The following NUP210 variants were observed in gnomAD, a reference collection of about 807,000 sequenced individuals.
NUP210 encodes nuclear pore membrane glycoprotein 210.
Under a neutral mutation model 196.0 loss-of-function variants are expected in NUP210, and 151 were observed. That is an observed-to-expected ratio of 0.77 (90% CI 0.67 to 0.88). NUP210 has a LOEUF of 0.88. Among genes scored for constraint, NUP210 ranks in the 40% least tolerant of loss-of-function variants. The pLI is 0.00. For synonymous variants in NUP210, 1,070 were observed against 1,052.7 expected (o/e 1.02, Z -0.32); for missense variants, 2,314 against 2,493.7 (o/e 0.93, Z 1.53).
chr3:13,398,917 G>C (rs1376509000), intron 2 of NUP210, among the ~76,000 whole-genome samples: 2 of 152,168 alleles, frequency 1.3e-5, no homozygotes, highest in Non-Finnish European at 2.9e-5. Context: ...CTGGGTGACA[G>C]AGTAAGTCAC....
chr3:13,335,651 A>G (rs1381661908), intron 27 of NUP210, 39 bp from the exon 28 acceptor site: 4 of 1,605,108 alleles, frequency 2.5e-6, no homozygotes, highest in East Asian at 2.2e-5. Flanking sequence ...GGTAAGGCCC[A>G]GGCCCCTGTG....
At chr3:13,376,024 C>T (rs951946971) in intron 10 of NUP210, among the ~76,000 whole-genome samples, 1 of 152,208 alleles carries the variant, frequency 6.6e-6, no homozygotes, top group African/African-American at 2.4e-5. Context: ...AGCCTGCTGC[C>T]CCTTCCAGGC....
intron 31 of NUP210, among the ~76,000 whole-genome samples, chr3:13,327,932 G>A (rs1696837967): frequency 6.6e-6 from 1 of 152,248 alleles, no homozygotes; most frequent in Non-Finnish European, 1.5e-5. Context: ...GGAGGCACCT[G>A]CCACAGGGCA....
chr3:13,398,878 C>G (rs1015251489), intron 2 of NUP210, among the ~76,000 whole-genome samples: 4 of 152,000 alleles, frequency 2.6e-5, no homozygotes, highest in African/African-American at 7.3e-5. Context: ...AGGCTGCAGT[C>G]AGCAGTGTTG....
Position 13,323,252 on chromosome 3 carries a change from A to G in NUP210, c.4768+57T>C, listed in dbSNP as rs1696610067. 1 of 1,607,902 alleles carries G rather than the reference A, an allele frequency of 6.2e-7. No individual in the cohort carries two copies. Among genetic ancestry groups the G allele is most frequent in the South Asian group, 1.1e-5 (1 of 90,496 alleles). On this transcript the variant is annotated intron_variant, in intron 34 of 39. Transcript: ENST00000254508. This position sits in a 1 kb window ranked among gnomAD's most constrained non-coding sequence, Gnocchi z 4.3. ...ATAAACTCCATCCAGAGGACACAGG[A>G]AGCCACCTCCCCGCTCCCAGGTACT...
chr3:13,339,152 CAA>C (rs1697353509), intron 25 of NUP210, among the ~76,000 whole-genome samples: 1 of 152,190 alleles, frequency 6.6e-6, no homozygotes. Context: ...TCAATGAACT[CAA>C]TGACGGATCA....
chr3:13,357,057 A>G (rs533984990), intron 16 of NUP210, among the ~76,000 whole-genome samples: 30 of 152,282 alleles, frequency 2.0e-4, no homozygotes, highest in African/African-American at 7.2e-4. Context: ...TCCAGAGAGG[A>G]CCTGCTCTCC....
intron 1 of NUP210, among the ~76,000 whole-genome samples, chr3:13,410,778 C>T (rs1266510367): frequency 1.3e-5 from 2 of 150,874 alleles, no homozygotes; most frequent in South Asian, 2.1e-4. Flanking sequence ...ATTAGCCGGG[C>T]GTGGTGGCAG....
intron 14 of NUP210, among the ~76,000 whole-genome samples, chr3:13,362,569 C>T (rs1698404903): frequency 6.6e-6 from 1 of 152,240 alleles, no homozygotes; most frequent in Non-Finnish European, 1.5e-5. Context: ...TATGACTTCT[C>T]AAATGAGAAT....
chr3:13,353,983 C>A lies in NUP210; in HGVS notation c.2453G>T (p.Ser818Ile), dbSNP rs372904957. 5.0e-6 allele frequency: 8 copies of A among 1,609,372 alleles called. No individual in the cohort carries two copies. Among genetic ancestry groups the A allele is most frequent in the Non-Finnish European group, 6.8e-6 (8 of 1,177,804 alleles). ...QWESTRPVLA[S>I]IEPELPMQLV... ...CTGCATGGGCAGCTCAGGCTCGATGCTGGCCAACACTGGCCTGGTGGACTC... is the reference window on the plus strand; with the variant it reads ...CTGCATGGGCAGCTCAGGCTCGATGATGGCCAACACTGGCCTGGTGGACTC... Residue 818 changes from serine (S) to isoleucine (I), a missense_variant, in exon 17 of 40, where the codon AGC becomes ATC. Coordinates refer to ENST00000254508, the MANE Select transcript of NUP210 (RefSeq NM_024923.4).
chr3:13,390,882 G>GC (rs1301054356), intron 4 of NUP210, among the ~76,000 whole-genome samples: 1 of 152,142 alleles, frequency 6.6e-6, no homozygotes. Flanking sequence ...CCTTTAACTG[G>GC]CCCCCCAGAA....
At position 13,388,472 on chromosome 3, in the gene NUP210, G is replaced by A; in HGVS notation, c.534-19C>T. On this transcript the variant is annotated intron_variant, in intron 4 of 39. Coordinates refer to ENST00000254508, the MANE Select transcript of NUP210 (RefSeq NM_024923.4). ...GAGGATTCTGGAAAAGGAGCACGTT[G>A]TCAAAGTTTGTTGATCAAACCCCAA... 1 of 1,581,470 alleles carries A rather than the reference G, an allele frequency of 6.3e-7. No homozygotes were observed. Among genetic ancestry groups the A allele is most frequent in the Non-Finnish European group, 8.6e-7 (1 of 1,165,098 alleles).
intron 31 of NUP210, among the ~76,000 whole-genome samples, chr3:13,327,794 G>T (rs1696829348): frequency 2.0e-5 from 3 of 152,254 alleles, no homozygotes; most frequent in Admixed American, 1.3e-4. Flanking sequence ...GCCAGAAAGG[G>T]AAGGCTGCCC....
chr3:13,389,483 T>C lies in NUP210; in HGVS notation c.534-1030A>G, dbSNP rs573705145. The stretch of plus-strand genomic sequence containing the variant: ...TGAGGCTCAGGTGGGTAACGTTCCC[T>C]GGCTAAGGACACAGGCAGGAAGCGA... On this transcript the variant is annotated intron_variant, in intron 4 of 39. Coordinates refer to ENST00000254508, the MANE Select transcript of NUP210 (RefSeq NM_024923.4). Among the ~76,000 whole-genome samples, 3 of 152,274 alleles carry C rather than the reference T, an allele frequency of 2.0e-5. No individual in the cohort carries two copies. In the East Asian group the frequency reaches 5.8e-4, roughly 29 times the overall value.
Position 13,351,504 on chromosome 3 carries a change from A to G in NUP210, c.2835+375T>C, listed in dbSNP as rs1697969207. ...TAAGTGCCAGCTTTTTTTTGGAGAC[A>G]GGGTCTGGGTTTCTCACCCAGGTCT... On this transcript the variant is annotated intron_variant, in intron 20 of 39. Coordinates refer to ENST00000254508, the MANE Select transcript of NUP210 (RefSeq NM_024923.4). Among the ~76,000 whole-genome samples the G allele has an allele frequency of 3.9e-5, 6 of 152,246 alleles. No individual in the cohort carries two copies. The South Asian group carries it at 1.0e-3, about 26-fold the overall frequency.
At chr3:13,419,460 G>A (rs569678131) in intron 1 of NUP210, among the ~76,000 whole-genome samples, 9 of 152,326 alleles carry the variant, frequency 5.9e-5, no homozygotes, top group Non-Finnish European at 7.4e-5. Flanking sequence ...AATGCCCTGA[G>A]CATCAGGACC....
At chr3:13,365,907 TG>T in intron 14 of NUP210, 38 bp downstream of exon 14, 1 of 1,606,716 alleles carries the variant, frequency 6.2e-7, no homozygotes, top group Non-Finnish European at 8.5e-7. Flanking sequence ...TGGGAAGGAG[TG>T]GGCAGGGGGG....
chr3:13,399,916 G>T, intron 1 of NUP210, 55 bp from the exon 2 acceptor site: 1 of 1,547,932 alleles, frequency 6.5e-7, no homozygotes, highest in Non-Finnish European at 8.7e-7. Flanking sequence ...AAGGCACAGT[G>T]GGGTCCAGAC....
At chr3:13,359,131 A>C (rs1428441623) in intron 15 of NUP210, among the ~76,000 whole-genome samples, 2 of 152,134 alleles carry the variant, frequency 1.3e-5, no homozygotes, top group African/African-American at 4.8e-5. Context: ...GGCAGGACCA[A>C]GGGCAGTGTC....
Sources: allele counts gnomAD v4.1 joint callset (sites outside exome capture counted in the v4.1 genomes callset), GRCh38; gene constraint gnomAD v4.1.1; non-coding constraint Gnocchi (gnomAD v3.1); transcripts MANE v1.5; gene names NCBI Gene and HGNC (gene_info 2026-07-23, HGNC 2026-07-21).